The following MTHFD1L variants were observed in gnomAD, a reference collection of about 807,000 sequenced individuals.
The protein encoded by MTHFD1L is methylenetetrahydrofolate dehydrogenase (NADP+ dependent) 1 like.
Under a neutral mutation model 119.5 loss-of-function variants are expected in MTHFD1L, and 81 were observed. That is an observed-to-expected ratio of 0.68 (90% CI 0.57 to 0.82). The LOEUF (loss-of-function observed/expected upper bound fraction) is 0.82, where lower values mean the gene tolerates loss of function less well. Among genes scored for constraint, MTHFD1L ranks in the 40% least tolerant of loss-of-function variants. The probability of loss-of-function intolerance (pLI) is 0.00; values close to 1 mark genes in which losing one functional copy is unlikely to be tolerated. For missense variants in MTHFD1L, 1,125 were observed against 1,253.4 expected (o/e 0.90, Z 1.55); for synonymous variants, 430 against 475.2 (o/e 0.90, Z 1.24).
At chr6:150,878,760 T>G (rs1369982030) in intron 4 of MTHFD1L, among the ~76,000 whole-genome samples, 3 of 152,144 alleles carry the variant, frequency 2.0e-5, no homozygotes, top group African/African-American at 7.2e-5. Context: ...TTTGTAGAGT[T>G]TGTATCTGGC....
At chr6:151,067,471 G>A (rs540822535) in intron 26 of MTHFD1L, among the ~76,000 whole-genome samples, 8 of 151,940 alleles carry the variant, frequency 5.3e-5, no homozygotes, top group Non-Finnish European at 1.2e-4. Context: ...TTCCAGGTGT[G>A]CGCCACCACA....
chr6:151,013,405 G>A (rs1782574553), intron 21 of MTHFD1L, among the ~76,000 whole-genome samples: 1 of 152,166 alleles, frequency 6.6e-6, no homozygotes, highest in African/African-American at 2.4e-5. Flanking sequence ...GAATGGTGAT[G>A]TACTCTGTAT....
At chr6:151,051,148 A>T (rs1554293142) in intron 26 of MTHFD1L, among the ~76,000 whole-genome samples, 1 of 152,188 alleles carries the variant, frequency 6.6e-6, no homozygotes, top group Non-Finnish European at 1.5e-5. Context: ...GTGTTATTGA[A>T]GGAGCTCCTT....
chr6:151,034,562 C>G lies in MTHFD1L; in HGVS notation c.2656C>G (p.Pro886Ala), dbSNP rs1785851766. ...VYGAKDIELS[P>A]EAQAKIDRYT... is the part of the protein sequence containing the mutation. ...TGGAGCCAAAGATATTGAACTCTCT[C>G]CTGAGGCACAAGCCAAAATAGATCG... The change falls in exon 25 of 28, where the codon CCT (proline) becomes GCT (alanine). Residue 886 changes from proline to alanine, a missense_variant. Physicochemically the swap from Pro to Ala is conservative, Grantham distance 27. Coordinates refer to ENST00000367321, the MANE Select transcript of MTHFD1L (RefSeq NM_015440.5). 6.2e-7 allele frequency: 1 copy of G among 1,611,820 alleles called. No homozygotes were observed. The highest frequency in any genetic ancestry group is 8.5e-7 in the Non-Finnish European group (1 of 1,179,750).
chr6:150,944,933 T>C (rs879196508), intron 14 of MTHFD1L, among the ~76,000 whole-genome samples: 3 of 152,232 alleles, frequency 2.0e-5, no homozygotes, highest in Admixed American at 2.0e-4. Context: ...TCTAAGGGGA[T>C]TGGACAGATG....
chr6:150,945,680 G>C (rs547964732), intron 15 of MTHFD1L, 139 bp downstream of exon 15: 2 of 724,690 alleles, frequency 2.8e-6, no homozygotes, highest in Non-Finnish European at 4.5e-6. Context: ...TATAGAGACC[G>C]AACACTGGAG....
intron 1 of MTHFD1L, among the ~76,000 whole-genome samples, chr6:150,874,078 T>C (rs991723563): frequency 1.3e-5 from 2 of 152,170 alleles, no homozygotes; most frequent in Non-Finnish European, 2.9e-5. Flanking sequence ...GAACCCAGCA[T>C]AGCCAAATTA....
intron 20 of MTHFD1L, among the ~76,000 whole-genome samples, chr6:150,993,607 C>T (rs572777334): frequency 3.3e-5 from 5 of 152,234 alleles, no homozygotes; most frequent in East Asian, 1.9e-4. Context: ...CCACCACAGC[C>T]GGCCTAGTGT....
intron 8 of MTHFD1L, among the ~76,000 whole-genome samples, chr6:150,913,318 G>A (rs910627582): frequency 2.3e-5 from 3 of 131,682 alleles, no homozygotes; most frequent in Admixed American, 7.3e-5. Flanking sequence ...CCGCCACCAC[G>A]CCCGGCTAGT....
intron 27 of MTHFD1L, among the ~76,000 whole-genome samples, chr6:151,094,322 AT>A (rs1227748079): frequency 6.6e-6 from 1 of 151,930 alleles, no homozygotes; most frequent in African/African-American, 2.4e-5. Context: ...CAGGATTCTC[AT>A]TTCATTTGTT....
chr6:150,884,163 A>G (rs1422234377), intron 5 of MTHFD1L, among the ~76,000 whole-genome samples: 2 of 139,150 alleles, frequency 1.4e-5, no homozygotes, highest in African/African-American at 5.4e-5. Flanking sequence ...TTTTTTTGAG[A>G]CAGAGTCTCA....
intron 21 of MTHFD1L, among the ~76,000 whole-genome samples, chr6:151,010,476 A>G (rs1405084957): frequency 1.3e-5 from 2 of 152,180 alleles, no homozygotes; most frequent in Non-Finnish European, 1.5e-5. Context: ...CTTTCTGTTT[A>G]TTATGATTTC....
At chr6:150,962,914 CTTTTTT>C (rs4035893) in intron 18 of MTHFD1L, among the ~76,000 whole-genome samples, 2 of 114,146 alleles carry the variant, frequency 1.8e-5, no homozygotes, top group Admixed American at 1.9e-4. Flanking sequence ...CTTTTCTTTT[CTTTTTT>C]TTTTTTTTTT....
chr6:150,967,768 C>A (rs143685922), intron 19 of MTHFD1L, among the ~76,000 whole-genome samples: 4 of 152,092 alleles, frequency 2.6e-5, no homozygotes, highest in Admixed American at 2.6e-4. Context: ...GCTGCCAGCA[C>A]GCCCCACCTG....
chr6:151,010,808 C>T (rs773993501), intron 21 of MTHFD1L, among the ~76,000 whole-genome samples: 18 of 152,066 alleles, frequency 1.2e-4, no homozygotes, highest in African/African-American at 3.6e-4. Context: ...ACATATGAGA[C>T]GAACTGCCAA....
chr6:150,930,581 C>T (rs1790869314), intron 11 of MTHFD1L, among the ~76,000 whole-genome samples: 2 of 151,972 alleles, frequency 1.3e-5, no homozygotes, highest in Admixed American at 1.3e-4. Context: ...TCTTTTTACA[C>T]ATTGAGATCA....
intron 7 of MTHFD1L, among the ~76,000 whole-genome samples, chr6:150,902,200 C>T (rs1024479633): frequency 6.6e-6 from 1 of 152,184 alleles, no homozygotes; most frequent in African/African-American, 2.4e-5. Context: ...TTTCCCCCAT[C>T]TCTTTATATT....
chr6:150,905,845 T>C, intron 8 of MTHFD1L, 84 bp downstream of exon 8: 1 of 1,101,200 alleles, frequency 9.1e-7, no homozygotes, highest in Non-Finnish European at 1.4e-6. Context: ...GAGGTTATGT[T>C]TCTGAAATGT....
intron 26 of MTHFD1L, among the ~76,000 whole-genome samples, chr6:151,084,841 C>T (rs1477414418): frequency 1.3e-5 from 2 of 151,194 alleles, no homozygotes; most frequent in African/African-American, 4.9e-5. Flanking sequence ...GTGGCGGGTG[C>T]CTGTAGTCCC....
Sources: gnomAD v4.1 joint callset for allele counts (sites outside exome capture counted in the v4.1 genomes callset) on GRCh38, gnomAD v4.1.1 for gene constraint, MANE v1.5 for transcripts, NCBI Gene and HGNC (gene_info 2026-07-23, HGNC 2026-07-21) for gene names.